Variants in RANBP2 observed in about 807,000 individuals in gnomAD.
The protein encoded by RANBP2 is E3 SUMO-protein ligase RanBP2.
Under a neutral mutation model 303.6 loss-of-function variants are expected in RANBP2, and 57 were observed. The ratio of observed to expected loss-of-function variants is 0.19; its 90% confidence interval spans 0.15 to 0.23. The LOEUF (loss-of-function observed/expected upper bound fraction) is 0.23, where lower values mean the gene tolerates loss of function less well. RANBP2 is among the 10% of genes least tolerant of loss of function. RANBP2 has a pLI of 1.00. For missense variants in RANBP2, 3,138 were observed against 3,780.8 expected (o/e 0.83, Z 4.46); for synonymous variants, 1,167 against 1,301.5 (o/e 0.90, Z 2.23).
chr2:109,142,458 C>T, the RANBP2 span, among the ~76,000 whole-genome samples: 1 of 152,196 alleles, frequency 6.6e-6, no homozygotes, highest in African/African-American at 2.4e-5. Context: ...ATTCCCTGGC[C>T]CCCAGCACCC....
At chr2:109,703,784 T>G in the RANBP2 span, among the ~76,000 whole-genome samples, 1 of 152,240 alleles carries the variant, frequency 6.6e-6, no homozygotes, top group South Asian at 2.1e-4. Flanking sequence ...CAGCTGAGCC[T>G]TCCTCCTTTT....
chr2:109,614,366 A>G, the RANBP2 span: 1 of 807,090 alleles, frequency 1.2e-6, no homozygotes, highest in Non-Finnish European at 1.6e-6. Context: ...CTGGCCTCAG[A>G]CGCGTAGGCT....
At chr2:109,297,112 G>T in the RANBP2 span, among the ~76,000 whole-genome samples, 4 of 152,090 alleles carry the variant, frequency 2.6e-5, no homozygotes, top group African/African-American at 9.6e-5. Flanking sequence ...GCCCAATACG[G>T]CTCCACAGAG....
At chr2:109,093,666 A>G in the RANBP2 span, among the ~76,000 whole-genome samples, 5 of 152,166 alleles carry the variant, frequency 3.3e-5, no homozygotes, top group Non-Finnish European at 1.5e-5. Context: ...AAATCAGTTT[A>G]GTTAAAAACT....
chr2:109,091,897 TCCA>T, the RANBP2 span, among the ~76,000 whole-genome samples: 1 of 152,054 alleles, frequency 6.6e-6, no homozygotes, highest in Non-Finnish European at 1.5e-5. Context: ...TGTTTGTAGC[TCCA>T]CCACCGAGTG....
At chr2:109,389,530 G>A in the RANBP2 span, among the ~76,000 whole-genome samples, 6 of 152,262 alleles carry the variant, frequency 3.9e-5, no homozygotes, top group South Asian at 1.2e-3. Context: ...AAAAAGGCCG[G>A]TCAGGACCCA....
At chr2:109,091,999 A>G in the RANBP2 span, among the ~76,000 whole-genome samples, 3 of 152,108 alleles carry the variant, frequency 2.0e-5, no homozygotes, top group Admixed American at 6.5e-5. Flanking sequence ...CTTCTCCTGA[A>G]TCAGGAAGAT....
chr2:109,093,721 C>T, the RANBP2 span, among the ~76,000 whole-genome samples: 3 of 151,916 alleles, frequency 2.0e-5, no homozygotes, highest in East Asian at 1.9e-4. Context: ...TATTTTTTCT[C>T]TTCTTGAATT....
intron 20 of RANBP2, among the ~76,000 whole-genome samples, 196 bp downstream of exon 20, chr2:108,768,584 A>G (rs1677279318): frequency 1.3e-5 from 2 of 152,214 alleles, no homozygotes; most frequent in Non-Finnish European, 2.9e-5. Flanking sequence ...TTAGTTTAAG[A>G]CATTTCAGTA....
the RANBP2 span, among the ~76,000 whole-genome samples, chr2:109,728,426 A>C: frequency 6.6e-6 from 1 of 151,998 alleles, no homozygotes; most frequent in African/African-American, 2.4e-5. Flanking sequence ...AAATACAGTA[A>C]ATAATACTAT....
At chr2:109,169,710 A>T in the RANBP2 span, among the ~76,000 whole-genome samples, 1 of 151,340 alleles carries the variant, frequency 6.6e-6, no homozygotes, top group African/African-American at 2.4e-5. Context: ...CTCTCTATAT[A>T]TATCTATATA....
chr2:109,238,584 C>T, the RANBP2 span, among the ~76,000 whole-genome samples: 1 of 151,544 alleles, frequency 6.6e-6, no homozygotes, highest in Non-Finnish European at 1.5e-5. Context: ...TTGGAGGGGA[C>T]ATTTTTTCAG....
the RANBP2 span, among the ~76,000 whole-genome samples, chr2:109,065,360 C>T: frequency 1.3e-5 from 2 of 152,100 alleles, no homozygotes; most frequent in Non-Finnish European, 2.9e-5. Flanking sequence ...TTGATTCTGA[C>T]GGCTTTTGCT....
At chr2:109,603,937 G>A in the RANBP2 span, among the ~76,000 whole-genome samples, 28 of 151,708 alleles carry the variant, frequency 1.8e-4, no homozygotes, top group East Asian at 3.2e-3. Context: ...CGAGGCGGGC[G>A]GATCACGAGG....
At chr2:108,825,718 G>C in the RANBP2 span, among the ~76,000 whole-genome samples, 1 of 152,056 alleles carries the variant, frequency 6.6e-6, no homozygotes, top group East Asian at 1.9e-4. Context: ...CTTTTGGGTT[G>C]TTTGCATTTG....
the RANBP2 span, among the ~76,000 whole-genome samples, chr2:108,867,490 A>G: frequency 6.6e-6 from 1 of 152,196 alleles, no homozygotes; most frequent in African/African-American, 2.4e-5. Flanking sequence ...AATATGGATT[A>G]CCCTGCTCCA....
intron 20 of RANBP2, among the ~76,000 whole-genome samples, chr2:108,770,840 TA>T (rs1186696985): frequency 2.0e-5 from 3 of 152,330 alleles, no homozygotes; most frequent in South Asian, 2.1e-4. Context: ...TGTTTACACT[TA>T]CTGTTAGCAC....
chr2:109,556,674 GC>G, the RANBP2 span, among the ~76,000 whole-genome samples: 5 of 151,464 alleles, frequency 3.3e-5, no homozygotes, highest in East Asian at 5.8e-4. Context: ...TTTTAAAGAA[GC>G]CCCTATATTT....
the RANBP2 span, among the ~76,000 whole-genome samples, chr2:109,282,837 G>A: frequency 6.6e-6 from 1 of 152,140 alleles, no homozygotes; most frequent in East Asian, 1.9e-4. Context: ...GGAGGTGGAG[G>A]GGTAATGGTC....
Sources: gnomAD v4.1 joint callset for allele counts (sites outside exome capture counted in the v4.1 genomes callset) on GRCh38, gnomAD v4.1.1 for gene constraint, MANE v1.5 for transcripts, NCBI Gene and HGNC (gene_info 2026-07-23, HGNC 2026-07-21) for gene names.